Variants in PRAG1 observed in about 807,000 individuals in gnomAD.
The protein encoded by PRAG1 is PEAK1 related, kinase-activating pseudokinase 1, also known as inactive tyrosine-protein kinase PRAG1.
Under a neutral mutation model 95.6 loss-of-function variants are expected in PRAG1, and 110 were observed. The ratio of observed to expected loss-of-function variants is 1.15; its 90% CI spans 0.99 to 1.35. The LOEUF (loss-of-function observed/expected upper bound fraction) is 1.35. Among genes scored for constraint, PRAG1 ranks in the 40% most tolerant of loss-of-function variants. The pLI is 0.00. For missense variants in PRAG1, 2,554 were observed against 1,864.7 expected (o/e 1.37, Z -6.81); for synonymous variants, 1,052 against 819.4 (o/e 1.28, Z -4.85).
At position 8,381,611 on chromosome 8, in the gene PRAG1, G is replaced by A; in HGVS notation, c.137C>T (p.Pro46Leu). 6.2e-7 allele frequency: 1 copy of A among 1,613,922 alleles called. No individual in the cohort carries two copies. The highest frequency in any genetic ancestry group is 8.5e-7 in the Non-Finnish European group (1 of 1,179,878). The change falls in exon 2 of 6, where the codon CCT (proline) becomes CTT (leucine). Residue 46 changes from proline to leucine, a missense_variant. Physicochemically the swap from Pro to Leu is moderately conservative, Grantham distance 98 (BLOSUM62 -3). Coordinates refer to ENST00000615670, the MANE Select transcript of PRAG1 (RefSeq NM_001080826.3). ...CAGGCTGCCCGCTCTGGGCTGGGGA[G>A]GGCCGGCCACCAGCTGGTGGTCGCT... ...LRSDHQLVAG[P>L]PQPRAGSLPP...
At chr8:8,373,804 A>C (rs141468273) in intron 3 of PRAG1, among the ~76,000 whole-genome samples, 82 of 152,204 alleles carry the variant, frequency 5.4e-4, no homozygotes, top group East Asian at 3.7e-3. Context: ...TTAAGAGCTG[A>C]AACCTTGAAC....
At chr8:8,339,406 C>T (rs934257104) in intron 4 of PRAG1, 72 bp downstream of exon 4, 27 of 1,509,674 alleles carry the variant, frequency 1.8e-5, no homozygotes, top group African/African-American at 1.4e-4. Context: ...CTTCCAATCC[C>T]GCAAGCAACG....
At chr8:8,345,009 A>T (rs1432791641) in intron 3 of PRAG1, among the ~76,000 whole-genome samples, 2 of 150,416 alleles carry the variant, frequency 1.3e-5, no homozygotes, top group African/African-American at 4.9e-5. Context: ...AGACAAAATT[A>T]GTCTATCCCT....
intron 1 of PRAG1, among the ~76,000 whole-genome samples, chr8:8,383,951 G>A (rs1485028262): frequency 2.0e-5 from 3 of 152,200 alleles, no homozygotes; most frequent in African/African-American, 7.2e-5. Flanking sequence ...CTGGGACGCT[G>A]ATGGGTGAAG....
At chr8:8,362,060 T>A (rs1799861995) in intron 3 of PRAG1, among the ~76,000 whole-genome samples, 1 of 152,226 alleles carries the variant, frequency 6.6e-6, no homozygotes, top group Non-Finnish European at 1.5e-5. Context: ...ACTTGAGGTT[T>A]CATTTTCCCT....
At chr8:8,383,987 A>G (rs1435157575) in intron 1 of PRAG1, among the ~76,000 whole-genome samples, 1 of 152,168 alleles carries the variant, frequency 6.6e-6, no homozygotes, top group Admixed American at 6.5e-5. Context: ...TAGGCCACAG[A>G]AAGGACACTG....
At chr8:8,351,564 G>A (rs986656167) in intron 3 of PRAG1, among the ~76,000 whole-genome samples, 4 of 152,148 alleles carry the variant, frequency 2.6e-5, no homozygotes, top group African/African-American at 9.7e-5. Flanking sequence ...TTGAGGACAT[G>A]CATTATTCTA....
intron 3 of PRAG1, among the ~76,000 whole-genome samples, chr8:8,347,440 A>G (rs574626602): frequency 6.6e-6 from 1 of 152,288 alleles, no homozygotes; most frequent in South Asian, 2.1e-4. Context: ...TCAATCTCCA[A>G]TTGTCTTATT....
chr8:8,370,758 T>A (rs1800166162), intron 3 of PRAG1, among the ~76,000 whole-genome samples: 1 of 152,168 alleles, frequency 6.6e-6, no homozygotes, highest in Non-Finnish European at 1.5e-5. Flanking sequence ...TCAGTTCCTC[T>A]GGTTACTGAT....
At chr8:8,375,472 T>C (rs557792254) in intron 3 of PRAG1, among the ~76,000 whole-genome samples, 1 of 152,250 alleles carries the variant, frequency 6.6e-6, no homozygotes, top group South Asian at 2.1e-4. Flanking sequence ...AGTGCTGAGA[T>C]TACAGGCGTG....
At chr8:8,356,895 G>T (rs1799699200) in intron 3 of PRAG1, among the ~76,000 whole-genome samples, 1 of 152,136 alleles carries the variant, frequency 6.6e-6, no homozygotes, top group Non-Finnish European at 1.5e-5. Context: ...ACGGTCAAAT[G>T]ATTTTCAACA....
chr8:8,361,028 C>T (rs1799828172), intron 3 of PRAG1, among the ~76,000 whole-genome samples: 1 of 152,166 alleles, frequency 6.6e-6, no homozygotes, highest in South Asian at 2.1e-4. Flanking sequence ...GAAATTAATT[C>T]AGCCCAAGTA....
rs375488084 is a variant in PRAG1 at position 8,327,996 on chromosome 8, G to T, written c.2786C>A (p.Ala929Asp). The T allele has an allele frequency of 1.0e-5, 16 of 1,593,274 alleles. No homozygotes were observed. Among genetic ancestry groups the T allele is most frequent in the Non-Finnish European group, 1.1e-5 (13 of 1,168,680 alleles). The change falls in exon 5 of 6, where the codon GCC (alanine) becomes GAC (aspartate). Residue 929 changes from alanine (A) to aspartate (D), a missense_variant. Ala to Asp is a moderately radical substitution (Grantham distance 126, BLOSUM62 -2). Transcript: ENST00000615670. ...SSSQLSVSSQ[A>D]STGSTQLQLH... Reference sequence around the variant, plus strand: ...CTGAAGCTGGGTGCTCCCGGTGGAGGCTTGACTGGACACGCTCAGCTGGGA... The same window carrying T: ...CTGAAGCTGGGTGCTCCCGGTGGAGTCTTGACTGGACACGCTCAGCTGGGA...
chr8:8,330,236 C>A (rs531933408), intron 4 of PRAG1, among the ~76,000 whole-genome samples: 25 of 152,120 alleles, frequency 1.6e-4, no homozygotes, highest in Non-Finnish European at 2.9e-4. Flanking sequence ...CGTGGTGGTG[C>A]ATGCCTATAA....
chr8:8,364,679 G>C (rs976434182), intron 3 of PRAG1, among the ~76,000 whole-genome samples: 1 of 140,476 alleles, frequency 7.1e-6, no homozygotes, highest in African/African-American at 2.6e-5. Context: ...TTTTTTTTTT[G>C]TTTTCTCCAT....
rs1167320367 is a variant in PRAG1, at chr8:8,377,646, A to G, written c.763T>C (p.Ser255Pro). The change falls in exon 3 of 6, where the codon TCC becomes CCC. Residue 255 changes from serine to proline, a missense_variant. Transcript: ENST00000615670. Reference protein sequence around the residue: ...SGDSEGGEYCSILDCCPGSPV... With the variant: ...SGDSEGGEYCPILDCCPGSPV... ...CTCCCAGGGCAGCAGTCCAGGATGG[A>G]GCAGTACTCTCCACCCTCGCTGTCC... The G allele has an allele frequency of 6.2e-7, 1 of 1,613,600 alleles. No homozygotes were observed. Among genetic ancestry groups the G allele is most frequent in the Non-Finnish European group, 8.5e-7 (1 of 1,179,986 alleles).
intron 3 of PRAG1, among the ~76,000 whole-genome samples, chr8:8,372,377 G>A (rs1800238225): frequency 6.6e-6 from 1 of 152,156 alleles, no homozygotes. Context: ...CTTCTTTCCT[G>A]AAGTATTTTT....
At chr8:8,332,302 C>G (rs1798845190) in intron 4 of PRAG1, among the ~76,000 whole-genome samples, 2 of 151,266 alleles carry the variant, frequency 1.3e-5, no homozygotes, top group Admixed American at 1.3e-4. Flanking sequence ...GCTGGGATTA[C>G]AAGCACCCAC....
At chr8:8,372,548 G>A (rs1367790084) in intron 3 of PRAG1, among the ~76,000 whole-genome samples, 1 of 152,170 alleles carries the variant, frequency 6.6e-6, no homozygotes, top group Non-Finnish European at 1.5e-5. Flanking sequence ...AAGTATCCAG[G>A]CCTTGCCGTA....
Sources: gnomAD v4.1 joint callset for allele counts (sites outside exome capture counted in the v4.1 genomes callset) on GRCh38, gnomAD v4.1.1 for gene constraint, MANE v1.5 for transcripts, NCBI Gene and HGNC (gene_info 2026-07-23, HGNC 2026-07-21) for gene names.